The following SCRN3 variants were observed in gnomAD, a reference collection of about 807,000 sequenced individuals.
SCRN3 encodes the protein secernin-3.
A neutral mutation model predicts 43.1 loss-of-function variants in SCRN3; 39 were observed. That is an observed-to-expected ratio of 0.91 (90% confidence interval 0.70 to 1.18). SCRN3 has a LOEUF of 1.18. Among genes scored for constraint, SCRN3 ranks in the 50% most tolerant of loss-of-function variants. The pLI is 0.00. For synonymous variants in SCRN3, 147 were observed against 163.1 expected (o/e 0.90, Z 0.75); for missense variants, 484 against 498.0 (o/e 0.97, Z 0.27).
chr2:174,418,765 C>T (rs1481947446), intron 5 of SCRN3, among the ~76,000 whole-genome samples: 1 of 152,044 alleles, frequency 6.6e-6, no homozygotes, highest in East Asian at 1.9e-4. Context: ...AAACTATGTG[C>T]CTGATATATA....
In SCRN3 at chr2:174,401,123, G is replaced by A; in HGVS notation, c.475G>A (p.Ala159Thr). The change falls in exon 4 of 8, where the codon GCT (alanine) becomes ACT (threonine). Residue 159 changes from alanine (A) to threonine (T), a missense_variant. By Grantham distance (58) the Ala-to-Thr change is moderately conservative. Coordinates refer to ENST00000272732, the MANE Select transcript of SCRN3 (RefSeq NM_024583.5). ...VFSYHNSFLI[A>T]DRNEAWILET... ...TAGCTATCACAACAGTTTCCTGATA[G>A]CTGATAGGAATGAAGCCTGGATTCT... 1.2e-6 allele frequency: 2 copies of A among 1,613,998 alleles called. No homozygotes were observed. Among genetic ancestry groups the A allele is most frequent in the Non-Finnish European group, 1.7e-6 (2 of 1,179,926 alleles).
intron 5 of SCRN3, among the ~76,000 whole-genome samples, chr2:174,419,711 G>A (rs761668749): frequency 1.3e-5 from 2 of 152,046 alleles, no homozygotes; most frequent in Non-Finnish European, 2.9e-5. Flanking sequence ...TGTTGTTGTT[G>A]TTTTTTAAAC....
chr2:174,406,737 C>T (rs1685709040), intron 5 of SCRN3, among the ~76,000 whole-genome samples: 2 of 135,778 alleles, frequency 1.5e-5, no homozygotes, highest in Non-Finnish European at 3.3e-5. Context: ...TTGTCTTTGG[C>T]TCTGTTTATA....
intron 1 of SCRN3, chr2:174,397,306 C>T (rs983708912): frequency 8.4e-5 from 83 of 984,922 alleles, no homozygotes; most frequent in Non-Finnish European, 9.5e-5. Context: ...AAGAAGGAAA[C>T]TCTGTAAAAC....
chr2:174,398,081 T>C, intron 1 of SCRN3, 194 bp from the exon 2 acceptor site: 1 of 296,946 alleles, frequency 3.4e-6, no homozygotes, highest in South Asian at 4.8e-5. Flanking sequence ...TAAGCCCTGA[T>C]CATACAACTG....
Position 174,397,335 on chromosome 2 carries a change from G to A in SCRN3, c.-9-940G>A, listed in dbSNP as rs73975122. ...GTAAAACAATGTGTCTGTTCTGGCAGCAAAATAAGGACCTTTAGGTGTTCT... is the reference window on the plus strand; with the variant it reads ...GTAAAACAATGTGTCTGTTCTGGCAACAAAATAAGGACCTTTAGGTGTTCT... On this transcript the variant is annotated intron_variant, in intron 1 of 7. Transcript: ENST00000272732. 48 of 984,690 alleles carry A rather than the reference G, an allele frequency of 4.9e-5. No homozygotes were observed. The African/African-American group carries it at 8.4e-4, about 17-fold the overall frequency. 61.0% of individuals were successfully genotyped at this position (984,690 alleles called of 1,614,324 possible).
chr2:174,428,094 A>C lies in SCRN3; in HGVS notation c.*199A>C. The C allele has an allele frequency of 2.7e-6, 1 of 372,030 alleles. No homozygotes were observed. The highest frequency in any genetic ancestry group is 4.9e-6 in the Non-Finnish European group (1 of 204,250). The allele number at this position is 372,030 out of a possible 1,614,324, so 23.0% of individuals were successfully genotyped here. A position where few individuals can be genotyped will look rare whatever the true frequency, so the allele number is the denominator to read the frequency against. ...AGAAAGAAAACAGCATTGGAATTGGATTCATGTATCGTGGGATACAGGTGT... is the reference window on the plus strand; with the variant it reads ...AGAAAGAAAACAGCATTGGAATTGGCTTCATGTATCGTGGGATACAGGTGT... On this transcript the variant is annotated 3_prime_UTR_variant, in exon 8 of 8. Transcript: ENST00000272732.
chr2:174,418,056 T>C (rs934740042), intron 5 of SCRN3, among the ~76,000 whole-genome samples: 7 of 152,112 alleles, frequency 4.6e-5, no homozygotes, highest in Admixed American at 6.5e-5. Flanking sequence ...TGCCAAGAAT[T>C]CTAAGGTTTA....
chr2:174,402,932 A>G (rs1685555472), intron 4 of SCRN3, among the ~76,000 whole-genome samples: 1 of 151,826 alleles, frequency 6.6e-6, no homozygotes, highest in Non-Finnish European at 1.5e-5. Flanking sequence ...TATTTTTTCT[A>G]TTTTGTATTT....
intron 7 of SCRN3, among the ~76,000 whole-genome samples, chr2:174,427,351 T>C (rs536742108): frequency 1.3e-5 from 2 of 152,318 alleles, no homozygotes; most frequent in East Asian, 3.9e-4. Flanking sequence ...GTTTTAAATG[T>C]AAAAGATCAA....
chr2:174,423,184 T>C (rs1368113631), intron 6 of SCRN3, 137 bp downstream of exon 6: 2 of 613,498 alleles, frequency 3.3e-6, no homozygotes, highest in East Asian at 2.8e-5. Context: ...CTGTTCAGGC[T>C]TTAATCTGCA....
intron 7 of SCRN3, among the ~76,000 whole-genome samples, chr2:174,425,508 C>T (rs915159554): frequency 1.3e-5 from 2 of 152,158 alleles, no homozygotes; most frequent in African/African-American, 4.8e-5. Context: ...TCTGTCCACA[C>T]TGAAACGGAT....
chr2:174,427,326 A>C (rs1027650114), intron 7 of SCRN3, among the ~76,000 whole-genome samples: 1 of 152,112 alleles, frequency 6.6e-6, no homozygotes, highest in Non-Finnish European at 1.5e-5. Flanking sequence ...CTATTGTATT[A>C]ATCTGATAAT....
chr2:174,418,298 T>C (rs1686184780), intron 5 of SCRN3, among the ~76,000 whole-genome samples: 1 of 152,220 alleles, frequency 6.6e-6, no homozygotes. Flanking sequence ...TCTAATACTT[T>C]CACAGAAAAT....
At chr2:174,409,753 C>T (rs1243955450) in intron 5 of SCRN3, among the ~76,000 whole-genome samples, 1 of 144,432 alleles carries the variant, frequency 6.9e-6, no homozygotes. Flanking sequence ...TGGGAGGTGC[C>T]TCCCAGTTAG....
chr2:174,414,312 C>T (rs890075195), intron 5 of SCRN3, among the ~76,000 whole-genome samples: 17 of 152,198 alleles, frequency 1.1e-4, no homozygotes, highest in African/African-American at 3.9e-4. Flanking sequence ...ACAATGAAGT[C>T]TCTCTTTCCT....
At chr2:174,400,217 G>C in intron 3 of SCRN3, 114 bp downstream of exon 3, 2 of 735,948 alleles carry the variant, frequency 2.7e-6, no homozygotes, top group Middle Eastern at 5.9e-4. Context: ...TTTGCAGTTT[G>C]TGTCAAAATG....
chr2:174,396,058 T>G (rs1260119812), intron 1 of SCRN3: 1 of 1,247,150 alleles, frequency 8.0e-7, no homozygotes, highest in African/African-American at 1.5e-5. Context: ...TTCTGCACTG[T>G]TTTTCTCATC....
intron 5 of SCRN3, among the ~76,000 whole-genome samples, chr2:174,415,226 C>T (rs888443294): frequency 7.9e-5 from 12 of 151,752 alleles, no homozygotes; most frequent in African/African-American, 2.9e-4. Flanking sequence ...TTTGAGTACC[C>T]ATTTTCTAAC....
Sources: allele counts gnomAD v4.1 joint callset (sites outside exome capture counted in the v4.1 genomes callset), GRCh38; gene constraint gnomAD v4.1.1; transcripts MANE v1.5; gene names NCBI Gene and HGNC (gene_info 2026-07-23, HGNC 2026-07-21).